Variants in UBE2G2 observed in about 807,000 individuals in gnomAD.
UBE2G2 encodes the protein ubiquitin-conjugating enzyme E2 G2.
In UBE2G2, 10 loss-of-function variants were observed where a neutral mutation model predicts 23.0. The observed-to-expected ratio is 0.43, with a 90% CI of 0.27 to 0.74. UBE2G2 has a LOEUF of 0.74. Ranked by LOEUF, UBE2G2 falls within the 30% of genes least tolerant of loss-of-function variation. The pLI is 0.19. For synonymous variants in UBE2G2, 86 were observed against 81.3 expected (o/e 1.06, Z -0.31); for missense variants, 150 against 218.3 (o/e 0.69, Z 1.97).
chr21:44,797,121 T>C (rs2083096793), intron 1 of UBE2G2, among the ~76,000 whole-genome samples: 1 of 152,176 alleles, frequency 6.6e-6, no homozygotes, highest in Non-Finnish European at 1.5e-5. Flanking sequence ...CTTAGTGAGG[T>C]ATGTTTAGAG....
At chr21:44,801,151 C>T (rs1555964683) in intron 1 of UBE2G2, 1 of 198,966 alleles carries the variant, frequency 5.0e-6, no homozygotes, top group East Asian at 1.8e-4. Flanking sequence ...TCGCTCTCCT[C>T]AGACATTAGA....
At chr21:44,791,791 G>A (rs1004186684) in intron 1 of UBE2G2, among the ~76,000 whole-genome samples, 1 of 152,190 alleles carries the variant, frequency 6.6e-6, no homozygotes, top group Non-Finnish European at 1.5e-5. Flanking sequence ...TCCACCAAGA[G>A]CTTTGCACTG....
In UBE2G2 at chr21:44,768,678, G is replaced by A. The variant is rs917355096; in HGVS notation, c.*2699C>T. 9.2e-5 allele frequency: 14 copies of A among 152,286 alleles called. No homozygotes were observed. Among genetic ancestry groups the A allele is most frequent in the African/African-American group, 2.9e-4 (12 of 41,470 alleles). The allele number at this position is 152,286 out of a possible 1,614,324, so 9.4% of individuals were successfully genotyped here. The stretch of plus-strand genomic sequence containing the variant: ...AACCGTGACCACAGAGGACCACAGA[G>A]GAGTGATGACAGGGAGCTGTGCTTC... On this transcript the variant is annotated 3_prime_UTR_variant, in exon 6 of 6. Transcript: ENST00000345496.
intron 1 of UBE2G2, among the ~76,000 whole-genome samples, chr21:44,792,933 G>C (rs1261958659): frequency 6.6e-6 from 1 of 152,232 alleles, no homozygotes; most frequent in Non-Finnish European, 1.5e-5. Flanking sequence ...AACATTTCAG[G>C]GGTGGGTGGG....
At chr21:44,790,611 C>T (rs1030985552) in intron 1 of UBE2G2, among the ~76,000 whole-genome samples, 3 of 152,218 alleles carry the variant, frequency 2.0e-5, no homozygotes, top group East Asian at 1.9e-4. Flanking sequence ...GAAAGTTCCT[C>T]CTTCACTCTT....
At chr21:44,775,699 T>G (rs1055913957) in intron 4 of UBE2G2, among the ~76,000 whole-genome samples, 1 of 152,244 alleles carries the variant, frequency 6.6e-6, no homozygotes, top group African/African-American at 2.4e-5. Context: ...CTGAATAATA[T>G]ATTTCTCCTC....
At chr21:44,800,640 G>T (rs1555964601) in intron 1 of UBE2G2, 1 of 152,164 alleles carries the variant, frequency 6.6e-6, no homozygotes, top group East Asian at 1.9e-4. Context: ...ATGACCATAC[G>T]TGAGTGAGCC....
intron 1 of UBE2G2, among the ~76,000 whole-genome samples, chr21:44,794,286 T>A: frequency 6.6e-6 from 1 of 152,216 alleles, no homozygotes; most frequent in East Asian, 1.9e-4. Flanking sequence ...CTGAAACAAC[T>A]GCACTGCCAT....
At chr21:44,784,411 TTTATTA>T (rs10535511) in intron 3 of UBE2G2, among the ~76,000 whole-genome samples, 16,862 of 152,136 alleles carry the variant, frequency 0.11, 1,802 homozygotes, top group East Asian at 0.53. Context: ...TGTTTCCTTT[TTTATTA>T]TTATTACTGC....
chr21:44,778,511 T>C (rs914249414), intron 3 of UBE2G2, among the ~76,000 whole-genome samples: 1 of 152,218 alleles, frequency 6.6e-6, no homozygotes. Flanking sequence ...ATTAACACTA[T>C]CTTGACCAAC....
At chr21:44,779,196 C>G (rs1178978051) in intron 3 of UBE2G2, 2 of 450,686 alleles carry the variant, frequency 4.4e-6, no homozygotes, top group African/African-American at 2.0e-5. Context: ...CAGCACGGCT[C>G]ATGGCCCTAG....
Position 44,771,176 on chromosome 21 carries a change from C to CAGTTTTACTTACTTACTTAA in UBE2G2, c.*200_*201insTTAAGTAAGTAAGTAAAACT. 1 of 573,238 alleles carries CAGTTTTACTTACTTACTTAA rather than the reference C, an allele frequency of 1.7e-6. No homozygotes were observed. The highest frequency in any genetic ancestry group is 3.1e-6 in the Non-Finnish European group (1 of 324,466). The allele number at this position is 573,238 out of a possible 1,614,324, so 35.5% of individuals were successfully genotyped here. A position where few individuals can be genotyped will look rare whatever the true frequency, so the allele number is the denominator to read the frequency against. ...AGGAATACTGTAAAACTGCAGTAAG[C>CAGTTTTACTTACTTACTTAA]TGTCAATATTCGACATTAAGTCATC... is the stretch of plus-strand genomic sequence containing the variant. On this transcript the variant is annotated 3_prime_UTR_variant, in exon 6 of 6. Transcript: ENST00000345496. This position sits in a 1 kb window ranked among gnomAD's most constrained non-coding sequence, Gnocchi z 4.6.
At chr21:44,775,392 TCTG>T (rs1367869023) in intron 4 of UBE2G2, 2 of 152,372 alleles carry the variant, frequency 1.3e-5, no homozygotes, top group East Asian at 1.9e-4. Flanking sequence ...CTCCTGAAGG[TCTG>T]CTATTATTTG....
intron 1 of UBE2G2, among the ~76,000 whole-genome samples, chr21:44,796,262 A>G (rs1186135376): frequency 6.6e-6 from 1 of 152,210 alleles, no homozygotes; most frequent in Non-Finnish European, 1.5e-5. Flanking sequence ...AGGCAAAATC[A>G]TCTTGTCTGT....
intron 1 of UBE2G2, among the ~76,000 whole-genome samples, chr21:44,796,771 G>A (rs1187908541): frequency 6.6e-6 from 1 of 152,218 alleles, no homozygotes; most frequent in East Asian, 1.9e-4. Flanking sequence ...GCCACTCCAA[G>A]TTCATTGAGG....
intron 1 of UBE2G2, among the ~76,000 whole-genome samples, 198 bp from the exon 2 acceptor site, chr21:44,788,293 TTTTTG>T (rs1334574208): frequency 2.0e-5 from 3 of 148,346 alleles, no homozygotes; most frequent in Non-Finnish European, 3.0e-5. Flanking sequence ...TTTTGTTTTT[TTTTTG>T]TTTTTTTTTG....
intron 4 of UBE2G2, chr21:44,775,414 T>C (rs572893119): frequency 6.6e-6 from 1 of 152,366 alleles, no homozygotes; most frequent in South Asian, 2.1e-4. Context: ...TGCTCACCAC[T>C]GTATACCAGC....
intron 1 of UBE2G2, among the ~76,000 whole-genome samples, chr21:44,794,604 G>A (rs1432673137): frequency 1.3e-5 from 2 of 148,748 alleles, no homozygotes; most frequent in African/African-American, 2.5e-5. Flanking sequence ...GCGTGATCTC[G>A]GCTCACTGCA....
chr21:44,775,040 G>A (rs1050045186), intron 4 of UBE2G2: 3 of 211,916 alleles, frequency 1.4e-5, no homozygotes, highest in Non-Finnish European at 2.9e-5. Flanking sequence ...ACTGTACCCA[G>A]AGCGAGCCGT....
Sources: gnomAD v4.1 joint callset for allele counts (sites outside exome capture counted in the v4.1 genomes callset) on GRCh38, gnomAD v4.1.1 for gene constraint, Gnocchi (gnomAD v3.1) non-coding constraint, MANE v1.5 for transcripts, NCBI Gene and HGNC (gene_info 2026-07-23, HGNC 2026-07-21) for gene names.